Variants in EVI5 observed in about 807,000 individuals in gnomAD.
EVI5 encodes the protein ecotropic viral integration site 5.
In EVI5, 73 loss-of-function variants were observed where a neutral mutation model predicts 112.0. That is an observed-to-expected ratio of 0.65 (90% CI 0.54 to 0.79). The LOEUF (loss-of-function observed/expected upper bound fraction) is 0.79. EVI5 is among the 30% of genes least tolerant of loss of function. The probability of loss-of-function intolerance (pLI) is 0.00; values close to 1 mark genes in which losing one functional copy is unlikely to be tolerated. For missense variants in EVI5, 900 were observed against 968.8 expected (o/e 0.93, Z 0.94); for synonymous variants, 305 against 319.9 (o/e 0.95, Z 0.50).
At chr1:92,717,896 T>C (rs780186415) in intron 2 of EVI5, among the ~76,000 whole-genome samples, 8 of 149,186 alleles carry the variant, frequency 5.4e-5, no homozygotes, top group Non-Finnish European at 8.9e-5. Flanking sequence ...GGGGTTGCAA[T>C]CCTAGTCTCT....
At position 92,560,563 on chromosome 1, in the gene EVI5, T is replaced by G. The variant is rs1668367301; in HGVS notation, c.2166+3079A>C. ...CTATACAAAACTTTTTTTTCTTTTT[T>G]TTTTGAGACAGGGTCTTGCTTTGAC... On this transcript the variant is annotated intron_variant, in intron 19 of 19. Coordinates refer to ENST00000684568, the MANE Select transcript of EVI5 (RefSeq NM_001350197.2). Among the ~76,000 whole-genome samples, 3 of 152,140 alleles carry G rather than the reference T, an allele frequency of 2.0e-5. No homozygotes were observed. The South Asian group carries it at 6.2e-4, about 31-fold the overall frequency.
chr1:92,547,011 AC>A (rs1665832045), intron 19 of EVI5, among the ~76,000 whole-genome samples: 1 of 152,228 alleles, frequency 6.6e-6, no homozygotes, highest in Non-Finnish European at 1.5e-5. Flanking sequence ...ACAGACATCT[AC>A]AGAACTCTCC....
intron 16 of EVI5, among the ~76,000 whole-genome samples, chr1:92,617,225 G>A (rs1653398207): frequency 6.6e-6 from 1 of 152,244 alleles, no homozygotes; most frequent in East Asian, 1.9e-4. Flanking sequence ...TTCGAGCAGA[G>A]CACTTGGTTG....
chr1:92,750,520 C>T (rs774318722), intron 1 of EVI5, among the ~76,000 whole-genome samples: 2 of 152,152 alleles, frequency 1.3e-5, no homozygotes, highest in Non-Finnish European at 2.9e-5. Flanking sequence ...ACTCTTTAGA[C>T]ATTTTAGGGG....
At chr1:92,777,316 C>T (rs1684277946) in intron 1 of EVI5, among the ~76,000 whole-genome samples, 1 of 152,168 alleles carries the variant, frequency 6.6e-6, no homozygotes, top group Non-Finnish European at 1.5e-5. Flanking sequence ...ATTTAATGTA[C>T]ACATGGATTT....
chr1:92,547,407 A>C lies in EVI5; in HGVS notation c.2166+16235T>G, dbSNP rs1450181673. On this transcript the variant is annotated intron_variant, in intron 19 of 19. Transcript: ENST00000684568. ...TACAAGAGAAAGCAGGAAAGATCTA[A>C]AATTGACACCCTAACATCACAATTA... 2.0e-5 allele frequency among the ~76,000 whole-genome samples: 3 copies of C among 152,214 alleles called. No homozygotes were observed. In the East Asian group the frequency reaches 5.8e-4, roughly 29 times the overall value.
intron 13 of EVI5, among the ~76,000 whole-genome samples, chr1:92,655,989 C>T (rs562416072): frequency 6.6e-6 from 1 of 152,234 alleles, no homozygotes; most frequent in East Asian, 1.9e-4. Context: ...ACCCCAATGA[C>T]AGCATTAAAG....
intron 16 of EVI5, among the ~76,000 whole-genome samples, chr1:92,620,407 C>G (rs1190222296): frequency 1.7e-5 from 2 of 121,088 alleles, no homozygotes; most frequent in Non-Finnish European, 3.5e-5. Flanking sequence ...GTGGCATACA[C>G]AAATCTATAA....
intron 2 of EVI5, among the ~76,000 whole-genome samples, chr1:92,709,058 C>T (rs978766238): frequency 6.6e-6 from 1 of 151,946 alleles, no homozygotes; most frequent in Non-Finnish European, 1.5e-5. Context: ...TGTGAGTAGA[C>T]AAAACACAAC....
intron 10 of EVI5, among the ~76,000 whole-genome samples, chr1:92,668,191 T>C (rs555040710): frequency 7.2e-5 from 11 of 152,304 alleles, no homozygotes; most frequent in African/African-American, 1.4e-4. Context: ...ACAAAGATAC[T>C]TGGCAAATTA....
Position 92,512,946 on chromosome 1 carries a change from A to C in EVI5, c.*710T>G, listed in dbSNP as rs1015826058. ...TGGATCACTTGAGGTTAGGAGTTCG[A>C]GACCAGCCCAGCCAACATGGTGAAA... On this transcript the variant is annotated 3_prime_UTR_variant, in exon 20 of 20. Coordinates refer to ENST00000684568, the MANE Select transcript of EVI5 (RefSeq NM_001350197.2). 3 of 152,132 alleles carry C rather than the reference A, an allele frequency of 2.0e-5. No individual in the cohort carries two copies. The highest frequency in any genetic ancestry group is 6.6e-5 in the Admixed American group (1 of 15,262). The allele number at this position is 152,132 out of a possible 1,614,324, so 9.4% of individuals were successfully genotyped here. A position where few individuals can be genotyped will look rare whatever the true frequency, so the allele number is the denominator to read the frequency against.
chr1:92,702,301 A>T, intron 4 of EVI5, 86 bp from the exon 5 acceptor site: 1 of 638,790 alleles, frequency 1.6e-6, no homozygotes, highest in Non-Finnish European at 2.7e-6. Context: ...AGACAGACAG[A>T]TTAAAAAACA....
intron 11 of EVI5, among the ~76,000 whole-genome samples, chr1:92,664,617 C>T (rs1664573579): frequency 6.6e-6 from 1 of 152,098 alleles, no homozygotes; most frequent in Admixed American, 6.5e-5. Context: ...AGTAGAATTA[C>T]TCTCATAGCA....
At chr1:92,580,015 A>G (rs891972644) in intron 18 of EVI5, among the ~76,000 whole-genome samples, 6 of 152,260 alleles carry the variant, frequency 3.9e-5, no homozygotes, top group African/African-American at 9.6e-5. Context: ...ATGTATTATT[A>G]AAGTAGAAAC....
At chr1:92,740,751 T>C (rs1048284983) in intron 1 of EVI5, among the ~76,000 whole-genome samples, 1 of 152,234 alleles carries the variant, frequency 6.6e-6, no homozygotes, top group Non-Finnish European at 1.5e-5. Flanking sequence ...TAATTAAAGA[T>C]AGTACCTTAC....
At position 92,647,419 on chromosome 1, in the gene EVI5, T is replaced by C. The variant is rs550213181; in HGVS notation, c.1393-11083A>G. On this transcript the variant is annotated intron_variant, in intron 13 of 19. Coordinates refer to ENST00000684568, the MANE Select transcript of EVI5 (RefSeq NM_001350197.2). ...GCCTCACTTAACTGGTTCACAATCC[T>C]GCACCTTCCAAGCATAGCATACTTT... is the stretch of plus-strand genomic sequence containing the variant. 6 of 322,640 alleles carry C rather than the reference T, an allele frequency of 1.9e-5. No individual in the cohort carries two copies. In the South Asian group the frequency reaches 2.2e-4, roughly 12 times the overall value. 20.0% of individuals were successfully genotyped at this position (322,640 alleles called of 1,614,324 possible).
At chr1:92,627,819 T>G (rs993924486) in intron 14 of EVI5, among the ~76,000 whole-genome samples, 3 of 152,154 alleles carry the variant, frequency 2.0e-5, no homozygotes, top group African/African-American at 7.2e-5. Flanking sequence ...AAACGGAGTC[T>G]TGCTCTGTCG....
chr1:92,684,138 A>T (rs1014632263), intron 9 of EVI5, among the ~76,000 whole-genome samples: 3 of 152,206 alleles, frequency 2.0e-5, no homozygotes, highest in African/African-American at 7.2e-5. Context: ...AAAAATGTTA[A>T]GGGCAGCCAC....
chr1:92,636,527 TATCTATA>T (rs1217531968), intron 13 of EVI5, among the ~76,000 whole-genome samples, 191 bp from the exon 14 acceptor site: 1 of 152,248 alleles, frequency 6.6e-6, no homozygotes, highest in Non-Finnish European at 1.5e-5. Flanking sequence ...CCACCTTTGA[TATCTATA>T]AAGATGACCA....
Sources: gnomAD v4.1 joint callset for allele counts (sites outside exome capture counted in the v4.1 genomes callset) on GRCh38, gnomAD v4.1.1 for gene constraint, MANE v1.5 for transcripts, NCBI Gene and HGNC (gene_info 2026-07-23, HGNC 2026-07-21) for gene names.